The following SOX30 variants were observed in gnomAD, a reference collection of about 807,000 sequenced individuals.
SOX30 encodes the protein SRY-box transcription factor 30.
In SOX30, 17 loss-of-function variants were observed where a neutral mutation model predicts 58.6. The ratio of observed to expected loss-of-function variants is 0.29; its 90% CI spans 0.20 to 0.44. The LOEUF (loss-of-function observed/expected upper bound fraction) is 0.44, where lower values mean the gene tolerates loss of function less well. Ranked by LOEUF, SOX30 falls within the 20% of genes least tolerant of loss-of-function variation. SOX30 has a pLI of 1.00. For synonymous variants in SOX30, 421 were observed against 400.2 expected (o/e 1.05, Z -0.62); for missense variants, 951 against 965.8 (o/e 0.98, Z 0.20).
intron 2 of SOX30, among the ~76,000 whole-genome samples, chr5:157,663,315 C>T (rs191949695): frequency 3.0e-3 from 461 of 152,242 alleles, no homozygotes; most frequent in Non-Finnish European, 4.4e-3. Context: ...AATCAATAAA[C>T]GTAATCCAGC....
rs546706629 is a variant in SOX30, at chr5:157,626,846, T to A, written c.1881-125A>T. The A allele has an allele frequency of 1.6e-4, 160 of 1,003,764 alleles. 1 individual carries two copies. The highest frequency in any genetic ancestry group is 1.6e-4 in the Non-Finnish European group (110 of 704,456). 62.2% of individuals were successfully genotyped at this position (1,003,764 alleles called of 1,614,324 possible). A position where few individuals can be genotyped will look rare whatever the true frequency, so the allele number is the denominator to read the frequency against. ...AAAGTTCCTTTCTGCAAACACTTCA[T>A]GTATTCCTCTGCTCTTTTCCCACTG... On this transcript the variant is annotated intron_variant, in intron 4 of 4. Coordinates refer to ENST00000265007, the MANE Select transcript of SOX30 (RefSeq NM_178424.2).
intron 3 of SOX30, among the ~76,000 whole-genome samples, chr5:157,645,469 C>G (rs1759166163): frequency 6.6e-6 from 1 of 152,030 alleles, no homozygotes. Context: ...TCGACACCAG[C>G]CTGGGCAACA....
chr5:157,637,214 A>G (rs555842342), intron 4 of SOX30, among the ~76,000 whole-genome samples: 2 of 151,788 alleles, frequency 1.3e-5, no homozygotes, highest in East Asian at 1.9e-4. Context: ...TTAAATTTCT[A>G]TCATTCCAAA....
intron 2 of SOX30, among the ~76,000 whole-genome samples, chr5:157,665,789 A>G (rs1205821431): frequency 6.6e-6 from 1 of 151,180 alleles, no homozygotes; most frequent in Non-Finnish European, 1.5e-5. Context: ...CCCCCATTTA[A>G]TAGTTCAGGA....
chr5:157,634,575 ATATAAG>A (rs1475490279), intron 4 of SOX30, among the ~76,000 whole-genome samples: 19 of 152,316 alleles, frequency 1.2e-4, no homozygotes, highest in African/African-American at 3.8e-4. Context: ...AAATATGTAT[ATATAAG>A]TATATCTCAA....
At chr5:157,640,187 C>T (rs981195805) in intron 3 of SOX30, among the ~76,000 whole-genome samples, 2 of 152,192 alleles carry the variant, frequency 1.3e-5, no homozygotes, top group African/African-American at 2.4e-5. Context: ...ATGTCTGCCA[C>T]CCCAACCATG....
At chr5:157,664,245 G>T (rs1343794626) in intron 2 of SOX30, among the ~76,000 whole-genome samples, 1 of 152,158 alleles carries the variant, frequency 6.6e-6, no homozygotes, top group Non-Finnish European at 1.5e-5. Context: ...CCAAACCAGA[G>T]ATATAGACCA....
At chr5:157,665,646 AT>A (rs1350083324) in intron 2 of SOX30, among the ~76,000 whole-genome samples, 6 of 147,914 alleles carry the variant, frequency 4.1e-5, no homozygotes, top group Non-Finnish European at 7.5e-5. Flanking sequence ...ATATACATTT[AT>A]TTTAAATATA....
Position 157,652,376 on chromosome 5 carries a change from T to C in SOX30, c.-298A>G, listed in dbSNP as rs1759380408. The C allele has an allele frequency of 8.8e-7, 1 of 1,133,888 alleles. No individual in the cohort carries two copies. 70.2% of individuals were successfully genotyped at this position (1,133,888 alleles called of 1,614,324 possible). ...GTTGCACATTTTCGTTCTGACTCTC[T>C]TGTGGAGTTCTCTTACAGCCGTTGT... On this transcript the variant is annotated 5_prime_UTR_variant, in exon 1 of 5. Transcript: ENST00000265007.
At position 157,651,340 on chromosome 5, in the gene SOX30, T is replaced by C. The variant is rs1333905939; in HGVS notation, c.739A>G (p.Thr247Ala). 2 of 1,613,948 alleles carry C rather than the reference T, an allele frequency of 1.2e-6. No homozygotes were observed. Among genetic ancestry groups the C allele is most frequent in the Non-Finnish European group, 1.7e-6 (2 of 1,180,028 alleles). Residue 247 changes from threonine (T) to alanine (A), a missense_variant, in exon 1 of 5, where the codon ACG becomes GCG. By Grantham distance (58) the Thr-to-Ala change is moderately conservative. Transcript: ENST00000265007. ...TGGTGCGGCCCAAAGGCACCGGACG[T>C]TGGGGCCAAGATGACCTCCGCGCTG... ...HGSAEVILAPTSGAFGPHQQD... is the reference protein window; with the variant it reads ...HGSAEVILAPASGAFGPHQQD...
At chr5:157,629,733 C>T (rs192660713) in intron 4 of SOX30, among the ~76,000 whole-genome samples, 4 of 152,282 alleles carry the variant, frequency 2.6e-5, no homozygotes, top group African/African-American at 9.6e-5. Flanking sequence ...CTCAGAACGA[C>T]CCTAAGACAC....
At position 157,651,781 on chromosome 5, in the gene SOX30, G is replaced by T. The variant is rs1216074559; in HGVS notation, c.298C>A (p.Leu100Met). Reference protein sequence around the residue: ...EAAASSAQARLLQFRPDLRLL... With the variant: ...EAAASSAQARMLQFRPDLRLL... ...CGCAGGTCGGGCCTGAACTGCAACA[G>T]CCGCGCCTGCGCGGACGAGGCAGCG... Residue 100 changes from leucine to methionine, a missense_variant, in exon 1 of 5, where the codon CTG (leucine) becomes ATG (methionine). By Grantham distance (15) the Leu-to-Met change is conservative (BLOSUM62 2). Transcript: ENST00000265007. 2 of 1,566,792 alleles carry T rather than the reference G, an allele frequency of 1.3e-6. No individual in the cohort carries two copies. The highest frequency in any genetic ancestry group is 1.3e-5 in the African/African-American group (1 of 74,086).
At chr5:157,639,959 C>G (rs1395920985) in intron 3 of SOX30, among the ~76,000 whole-genome samples, 2 of 152,174 alleles carry the variant, frequency 1.3e-5, no homozygotes. Flanking sequence ...AAGATGGGCT[C>G]TGACCCAGTG....
intron 4 of SOX30, among the ~76,000 whole-genome samples, chr5:157,636,170 ACACAGCCC>A (rs1264035487): frequency 1.3e-5 from 2 of 152,238 alleles, no homozygotes; most frequent in African/African-American, 4.8e-5. Flanking sequence ...AGACTGTGGT[ACACAGCCC>A]ATTGTAATTG....
chr5:157,648,918 G>C lies in SOX30; in HGVS notation c.968-22C>G, dbSNP rs762523706. The C allele has an allele frequency of 7.8e-6, 12 of 1,548,230 alleles. No individual in the cohort carries two copies. The Admixed American group carries it at 2.2e-4, about 28-fold the overall frequency. ...ATGCCTACATGACAAAAATTAAAAG[G>C]CTAAATTAATGTGCCATACACACAC... On this transcript the variant is annotated intron_variant, in intron 1 of 4. Transcript: ENST00000265007.
intron 3 of SOX30, among the ~76,000 whole-genome samples, chr5:157,642,806 C>A (rs1252779590): frequency 6.6e-6 from 1 of 152,024 alleles, no homozygotes; most frequent in East Asian, 1.9e-4. Flanking sequence ...ACCTCAAAGT[C>A]AATACTAATT....
chr5:157,654,568 A>G (rs749820478), upstream of SOX30, among the ~76,000 whole-genome samples: 2 of 152,230 alleles, frequency 1.3e-5, no homozygotes, highest in Admixed American at 1.3e-4. Context: ...GAGCACCTCC[A>G]TCTTGAGTAG....
In SOX30 at chr5:157,651,219, G is replaced by C. The variant is rs778006728; in HGVS notation, c.860C>G (p.Thr287Ser). The change falls in exon 1 of 5, where the codon ACC becomes AGC. Residue 287 changes from threonine (T) to serine (S), a missense_variant. Transcript: ENST00000265007. ...AGGCACTGGTGTCAGGGGGACCTTGGTCAATCTTATCAGCTCTGAAGGCGG... is the reference window on the plus strand; with the variant it reads ...AGGCACTGGTGTCAGGGGGACCTTGCTCAATCTTATCAGCTCTGAAGGCGG... ...GAPPSELIRL[T>S]KVPLTPVPTK... 1 of 1,613,852 alleles carries C rather than the reference G, an allele frequency of 6.2e-7. No individual in the cohort carries two copies. Among genetic ancestry groups the C allele is most frequent in the Non-Finnish European group, 8.5e-7 (1 of 1,179,848 alleles).
intron 3 of SOX30, among the ~76,000 whole-genome samples, chr5:157,644,111 T>C (rs1466381617): frequency 1.3e-5 from 2 of 151,554 alleles, no homozygotes; most frequent in East Asian, 1.9e-4. Context: ...TCCCAAATTA[T>C]GCTTATAAGA....
Sources: allele counts gnomAD v4.1 joint callset (sites outside exome capture counted in the v4.1 genomes callset), GRCh38; gene constraint gnomAD v4.1.1; transcripts MANE v1.5; gene names NCBI Gene and HGNC (gene_info 2026-07-23, HGNC 2026-07-21).